The following RRAGB variants were observed in gnomAD, a reference collection of about 807,000 sequenced individuals.
RRAGB encodes the protein Ras related GTP binding B.
RRAGB carries 6 observed loss-of-function variants against 29.3 expected under a neutral mutation model. The ratio of observed to expected loss-of-function variants is 0.21; its 90% confidence interval spans 0.11 to 0.40. The LOEUF is 0.40. Ranked by LOEUF, RRAGB falls within the 10% of genes least tolerant of loss-of-function variation. RRAGB has a pLI of 1.00. For synonymous variants in RRAGB, 101 were observed against 92.5 expected, an observed-to-expected ratio of 1.09 and a Z score of -0.53; for missense variants, 184 against 272.9, an observed-to-expected ratio of 0.67 and a Z score of 2.29.
At chrX:55,740,050 G>A (rs1254766046) in intron 5 of RRAGB, among the ~76,000 whole-genome samples, 2 of 111,967 alleles carry the variant, frequency 1.8e-5, no homozygotes, top group African/African-American at 3.2e-5. Context: ...TGCCGGGCGC[G>A]GTGGCTCACG....
chrX:55,741,314 G>A (rs1040348600), intron 5 of RRAGB, among the ~76,000 whole-genome samples: 1 of 111,585 alleles, frequency 9.0e-6, no homozygotes, highest in Admixed American at 9.5e-5. Context: ...AGCCAAATGC[G>A]TTGTTGATGT....
chrX:55,742,431 C>T (rs1291626215), intron 5 of RRAGB, among the ~76,000 whole-genome samples: 1 of 112,570 alleles, frequency 8.9e-6, no homozygotes, highest in Non-Finnish European at 1.9e-5. Context: ...CATGGTATTA[C>T]TAAGAGACAT....
intron 5 of RRAGB, among the ~76,000 whole-genome samples, chrX:55,735,911 C>T (rs1211622628): frequency 3.6e-5 from 4 of 111,946 alleles, no homozygotes; most frequent in South Asian, 3.7e-4. Context: ...ACAGTTATTC[C>T]GTTTGAGGAG....
chrX:55,749,741 A>C (rs373707774), intron 5 of RRAGB, among the ~76,000 whole-genome samples: 2 of 110,656 alleles, frequency 1.8e-5, no homozygotes, highest in African/African-American at 3.2e-5. Context: ...TTACCCCCAA[A>C]CCTGTGCTCT....
At position 55,729,112 on chromosome X, in the gene RRAGB, G is replaced by T. The variant is rs189051160; in HGVS notation, c.227-182G>T. 3.2e-4 allele frequency among the ~76,000 whole-genome samples: 35 copies of T among 110,725 alleles called. 1 individual carries two copies. In the East Asian group the frequency reaches 9.6e-3, roughly 30 times the overall value. On this transcript the variant is annotated intron_variant, in intron 3 of 9. Transcript: ENST00000374941. Reference sequence around the variant, plus strand: ...CATGAGAGCCAGTTCTATAGCCCAGGGTAGTTTAGGTGCCTACCTTGCCAC... The same window carrying T: ...CATGAGAGCCAGTTCTATAGCCCAGTGTAGTTTAGGTGCCTACCTTGCCAC...
chrX:55,723,162 A>G (rs1043196938), intron 3 of RRAGB, among the ~76,000 whole-genome samples: 11 of 111,138 alleles, frequency 9.9e-5, no homozygotes, highest in African/African-American at 3.6e-4. Flanking sequence ...GAATGTATAT[A>G]TATGTATTTT....
At chrX:55,740,727 G>A (rs2034036682) in intron 5 of RRAGB, among the ~76,000 whole-genome samples, 1 of 111,734 alleles carries the variant, frequency 8.9e-6, no homozygotes, top group African/African-American at 3.3e-5. Context: ...GCTGGCTGCA[G>A]GCGTTGCAGT....
chrX:55,719,596 T>C (rs989476326), intron 2 of RRAGB, among the ~76,000 whole-genome samples: 1 of 112,058 alleles, frequency 8.9e-6, no homozygotes, highest in African/African-American at 3.2e-5. Context: ...CCAAATGATT[T>C]CATGGCCCTT....
In RRAGB at chrX:55,750,993, TAGAA is replaced by T. The variant is rs2147123843; in HGVS notation, c.517-105_517-102del. 1.2e-5 allele frequency: 6 copies of T among 500,909 alleles called. No homozygotes were observed. In the East Asian group the frequency reaches 1.9e-4, roughly 16 times the overall value. The allele number at this position is 500,909 out of a possible 1,213,427, so 41.3% of individuals were successfully genotyped here. A position where few individuals can be genotyped will look rare whatever the true frequency, so the allele number is the denominator to read the frequency against. On this transcript the variant is annotated intron_variant, in intron 5 of 9. Coordinates refer to ENST00000374941, the MANE Select transcript of RRAGB (RefSeq NM_006064.5). ...AAATAGACATACTTAAAATTCCTCT[TAGAA>T]AGGAACAAAAGCTCCTGGTTAAAAT...
At chrX:55,741,276 T>G (rs2034059615) in intron 5 of RRAGB, among the ~76,000 whole-genome samples, 1 of 111,479 alleles carries the variant, frequency 9.0e-6, no homozygotes, top group Non-Finnish European at 1.9e-5. Context: ...GAAACACCAC[T>G]GCACCATACG....
intron 3 of RRAGB, among the ~76,000 whole-genome samples, chrX:55,724,148 A>G (rs2033395248): frequency 8.9e-6 from 1 of 112,065 alleles, no homozygotes; most frequent in Non-Finnish European, 1.9e-5. Flanking sequence ...CAAATAGTTC[A>G]AATTCCCTTT....
At chrX:55,749,079 C>T (rs1226477482) in intron 5 of RRAGB, among the ~76,000 whole-genome samples, 27 of 93,012 alleles carry the variant, frequency 2.9e-4, no homozygotes, top group East Asian at 3.7e-4. Context: ...GCCCCCCGCC[C>T]GGCCAGCCGC....
chrX:55,736,231 C>T, intron 5 of RRAGB, among the ~76,000 whole-genome samples: 1 of 112,332 alleles, frequency 8.9e-6, no homozygotes, highest in East Asian at 2.8e-4. Context: ...CCCTCAGGAA[C>T]ACCTGTGATT....
intron 2 of RRAGB, among the ~76,000 whole-genome samples, chrX:55,721,428 C>G (rs2033275700): frequency 8.9e-6 from 1 of 111,825 alleles, no homozygotes. Context: ...TGCAATTTAG[C>G]TGAAGGAAGA....
At chrX:55,746,788 A>G (rs969722590) in intron 5 of RRAGB, among the ~76,000 whole-genome samples, 4 of 111,842 alleles carry the variant, frequency 3.6e-5, no homozygotes, top group Non-Finnish European at 5.6e-5. Context: ...TCATCCAACC[A>G]TCCAAACAAA....
Position 55,718,393 on chromosome X carries a change from A to G in RRAGB, c.66A>G (p.Pro22=). The G allele has an allele frequency of 8.3e-7, 1 of 1,201,347 alleles. No homozygotes were observed. The highest frequency in any genetic ancestry group is 1.1e-6 in the Non-Finnish European group (1 of 889,054). ...KENLGPRMDP[P]LGEPEGSLGW... ...ATCTGGGGCCGAGAATGGATCCACC[A>G]CTAGGGGAACCGGAAGGATCGCTTG... Residue 22 remains proline (P), a synonymous_variant, in exon 1 of 10, where the codon CCA becomes CCG. Transcript: ENST00000374941.
chrX:55,749,537 C>G (rs2034444219), intron 5 of RRAGB, among the ~76,000 whole-genome samples: 1 of 111,414 alleles, frequency 9.0e-6, no homozygotes, highest in African/African-American at 3.3e-5. Flanking sequence ...GGAGGTGTAC[C>G]CAACAGCTCA....
intron 5 of RRAGB, among the ~76,000 whole-genome samples, chrX:55,739,851 A>C (rs1371185778): frequency 8.9e-6 from 1 of 112,009 alleles, no homozygotes; most frequent in African/African-American, 3.2e-5. Flanking sequence ...TCATCTTATT[A>C]TTTTCTAAAT....
intron 5 of RRAGB, among the ~76,000 whole-genome samples, chrX:55,744,387 C>CAA (rs56294534): frequency 5.6e-5 from 2 of 35,771 alleles, no homozygotes; most frequent in Non-Finnish European, 1.0e-4. Flanking sequence ...CAGAGTGAGC[C>CAA]AAAAAAAAAA....
Sources: gnomAD v4.1 joint callset for allele counts (sites outside exome capture counted in the v4.1 genomes callset) on GRCh38, gnomAD v4.1.1 for gene constraint, MANE v1.5 for transcripts, NCBI Gene and HGNC (gene_info 2026-07-23, HGNC 2026-07-21) for gene names.